Variants in TBCK observed in about 807,000 individuals in gnomAD.
TBCK encodes the protein TBC1 domain containing kinase.
TBCK carries 99 observed loss-of-function variants against 113.4 expected under a neutral mutation model. That is an observed-to-expected ratio of 0.87 (90% confidence interval 0.74 to 1.03). TBCK has a LOEUF of 1.03. Among genes scored for constraint, TBCK ranks in the 50% least tolerant of loss-of-function variants. TBCK has a pLI of 0.00. For missense variants in TBCK, 1,045 were observed against 1,061.3 expected (o/e 0.98, Z 0.21); for synonymous variants, 369 against 370.8 (o/e 1.00, Z 0.05).
chr4:106,197,407 G>GTATA (rs1351398808), intron 20 of TBCK, among the ~76,000 whole-genome samples: 12 of 101,058 alleles, frequency 1.2e-4, no homozygotes, highest in African/African-American at 2.4e-4. Context: ...GTGTGTGTGT[G>GTATA]TGTGTATATA....
intron 23 of TBCK, among the ~76,000 whole-genome samples, chr4:106,167,118 GTA>G (rs375846957): frequency 0.025 from 3,572 of 140,472 alleles, 116 homozygotes; most frequent in East Asian, 0.091. Context: ...TATACACACT[GTA>G]TATATATATA....
intron 19 of TBCK, among the ~76,000 whole-genome samples, chr4:106,217,248 C>G: frequency 6.6e-6 from 1 of 152,070 alleles, no homozygotes; most frequent in East Asian, 1.9e-4. Context: ...ATGAGAAACC[C>G]ACAGCCAATA....
chr4:106,210,642 C>T (rs1308034640), intron 20 of TBCK, among the ~76,000 whole-genome samples: 2 of 151,944 alleles, frequency 1.3e-5, no homozygotes, highest in Non-Finnish European at 2.9e-5. Context: ...TTATTTTCAC[C>T]TTATTATTAG....
chr4:106,316,239 G>A (rs909663112), upstream of TBCK: 2 of 282,066 alleles, frequency 7.1e-6, no homozygotes, highest in Non-Finnish European at 1.4e-5. Context: ...CTTTTCTTCC[G>A]CCCTCACAGC....
intron 1 of TBCK, among the ~76,000 whole-genome samples, chr4:106,315,218 A>C (rs1335232255): frequency 6.6e-6 from 1 of 152,168 alleles, no homozygotes; most frequent in Non-Finnish European, 1.5e-5. Context: ...TTCATTCAAC[A>C]AATATTTTGA....
Position 106,193,654 on chromosome 4 carries a change from C to A in TBCK, c.2014G>T (p.Ala672Ser), listed in dbSNP as rs752329234. Residue 672 changes from alanine to serine, a missense_variant, in exon 22 of 26, where the codon GCT becomes TCT. Ala to Ser is a moderately conservative substitution (Grantham distance 99). Coordinates refer to ENST00000394708, the MANE Select transcript of TBCK (RefSeq NM_001163435.3). ...AGAATACACTCATTAAAGCCATTAG[C>A]CAAAAGCCGGTCCCGCAGCTGCTGA... ...ILQQLRDRLL[A>S]NGFNECILLF... 6.2e-7 allele frequency: 1 copy of A among 1,613,456 alleles called. No individual in the cohort carries two copies. Among genetic ancestry groups the A allele is most frequent in the East Asian group, 2.2e-5 (1 of 44,854 alleles).
At chr4:106,232,270 G>A (rs1758946682) in intron 17 of TBCK, among the ~76,000 whole-genome samples, 2 of 151,736 alleles carry the variant, frequency 1.3e-5, no homozygotes. Flanking sequence ...CATGTTGAAA[G>A]AATGTACATA....
In TBCK at chr4:106,276,438, G is replaced by A. The variant is rs1041750091; in HGVS notation, c.267-14226C>T. On this transcript the variant is annotated intron_variant, in intron 3 of 25. Coordinates refer to ENST00000394708, the MANE Select transcript of TBCK (RefSeq NM_001163435.3). ...ACAAACTGTAACTTTTAAGCTGGGT[G>A]CAGTAGCACACACTTGTAGTCCCAG... 2.6e-5 allele frequency among the ~76,000 whole-genome samples: 4 copies of A among 152,202 alleles called. 1 individual carries two copies. Among genetic ancestry groups the A allele is most frequent in the Non-Finnish European group, 5.9e-5 (4 of 68,028 alleles).
Position 106,103,640 on chromosome 4 carries a change from TG to T in TBCK, c.2412-8000del, listed in dbSNP as rs1647569554. ...TACAGCATAGGACTAGCACCATGCT[TG>T]GTACAGTGTAAGAACTTAAAGACTG... On this transcript the variant is annotated intron_variant, in intron 24 of 25. Coordinates refer to ENST00000394708, the MANE Select transcript of TBCK (RefSeq NM_001163435.3). Among the ~76,000 whole-genome samples the T allele has an allele frequency of 2.0e-5, 3 of 152,180 alleles. No homozygotes were observed. In the South Asian group the frequency reaches 6.2e-4, roughly 32 times the overall value.
At chr4:106,272,659 T>A (rs7693156) in intron 3 of TBCK, among the ~76,000 whole-genome samples, 2,733 of 148,696 alleles carry the variant, frequency 0.018, 78 homozygotes, top group African/African-American at 0.061. Context: ...ACCCAGCTAA[T>A]TTTTTTTTTG....
intron 25 of TBCK, among the ~76,000 whole-genome samples, chr4:106,091,268 G>A (rs554888263): frequency 6.6e-6 from 1 of 152,322 alleles, no homozygotes; most frequent in South Asian, 2.1e-4. Context: ...AGGAGGAAGA[G>A]CCAGACTTTT....
At chr4:106,151,392 T>G (rs1376303457) in intron 23 of TBCK, among the ~76,000 whole-genome samples, 2 of 152,032 alleles carry the variant, frequency 1.3e-5, no homozygotes, top group Non-Finnish European at 2.9e-5. Context: ...TAACAATCCT[T>G]GTACTCTCTA....
chr4:106,315,482 A>G (rs947024440), intron 1 of TBCK: 1 of 152,250 alleles, frequency 6.6e-6, no homozygotes, highest in African/African-American at 2.4e-5. Context: ...GATAGAAACC[A>G]GGACAGGGAT....
In TBCK at chr4:106,142,068, G is replaced by T. The variant is rs1747199568; in HGVS notation, c.2236-25690C>A. On this transcript the variant is annotated intron_variant, in intron 23 of 25. Coordinates refer to ENST00000394708, the MANE Select transcript of TBCK (RefSeq NM_001163435.3). ...TCAATGGGTTATCCAAGAAAATAAA[G>T]ATTATTTTTATTAACTAATTCAAAT... 1.4e-5 allele frequency among the ~76,000 whole-genome samples: 2 copies of T among 141,492 alleles called. 1 individual carries two copies. Among genetic ancestry groups the T allele is most frequent in the Non-Finnish European group, 3.2e-5 (2 of 62,304 alleles). The allele number at this position is 141,492 out of a possible 152,430, so 92.8% of individuals were successfully genotyped here.
Position 106,045,689 on chromosome 4 carries a change from C to G in TBCK, c.*881G>C, listed in dbSNP as rs1015565352. 2 of 152,128 alleles carry G rather than the reference C, an allele frequency of 1.3e-5. No individual in the cohort carries two copies. The highest frequency in any genetic ancestry group is 2.9e-5 in the Non-Finnish European group (2 of 68,066). The allele number at this position is 152,128 out of a possible 1,614,324, so 9.4% of individuals were successfully genotyped here. A position where few individuals can be genotyped will look rare whatever the true frequency, so the allele number is the denominator to read the frequency against. On this transcript the variant is annotated 3_prime_UTR_variant, in exon 26 of 26. Transcript: ENST00000394708. ...TTCTTTTCTTCTTTCCTCCCTCCTT[C>G]TTTTGTTCCTTCTTTTCTCTTCATC...
Position 106,287,078 on chromosome 4 carries a change from T to C in TBCK, c.266+8016A>G, listed in dbSNP as rs144754491. 5.7e-3 allele frequency among the ~76,000 whole-genome samples: 864 copies of C among 152,204 alleles called. 9 individuals carry two copies. The highest frequency in any genetic ancestry group is 0.02 in the African/African-American group (834 of 41,526). On this transcript the variant is annotated intron_variant, in intron 3 of 25. Coordinates refer to ENST00000394708, the MANE Select transcript of TBCK (RefSeq NM_001163435.3). ...ACTGATGACCAGAGGACTGCTCTCT[T>C]TGTGGCTTATGGGGTCCTCTGGAAC...
intron 23 of TBCK, among the ~76,000 whole-genome samples, chr4:106,168,552 G>A (rs1215402598): frequency 3.3e-5 from 5 of 151,848 alleles, no homozygotes; most frequent in Non-Finnish European, 7.4e-5. Flanking sequence ...AAATAAAACT[G>A]TCCATTTTTC....
chr4:106,209,623 G>C (rs1335721553), intron 20 of TBCK, among the ~76,000 whole-genome samples: 1 of 152,000 alleles, frequency 6.6e-6, no homozygotes, highest in African/African-American at 2.4e-5. Flanking sequence ...TACTCAATCA[G>C]GACCATCAAC....
chr4:106,162,422 G>A (rs935293586), intron 23 of TBCK, among the ~76,000 whole-genome samples: 1 of 152,138 alleles, frequency 6.6e-6, no homozygotes, highest in African/African-American at 2.4e-5. Flanking sequence ...CTGGAGGATG[G>A]TGGCCCTCTT....
Sources: gnomAD v4.1 joint callset for allele counts (sites outside exome capture counted in the v4.1 genomes callset) on GRCh38, gnomAD v4.1.1 for gene constraint, MANE v1.5 for transcripts, NCBI Gene and HGNC (gene_info 2026-07-23, HGNC 2026-07-21) for gene names.